Variants in TSPAN15 observed in about 807,000 individuals in gnomAD.
TSPAN15 encodes the protein tetraspanin-15.
In TSPAN15, 20 loss-of-function variants were observed where a neutral mutation model predicts 34.5. The observed-to-expected ratio is 0.58, with a 90% CI of 0.41 to 0.84. The LOEUF is 0.84. Among genes scored for constraint, TSPAN15 ranks in the 40% least tolerant of loss-of-function variants. The probability of loss-of-function intolerance (pLI) is 0.00; values close to 1 mark genes in which losing one functional copy is unlikely to be tolerated. For missense variants in TSPAN15, 313 were observed against 386.1 expected (o/e 0.81, Z 1.59); for synonymous variants, 155 against 153.9 (o/e 1.01, Z -0.05).
chr10:69,479,606 G>A (rs180927314), intron 1 of TSPAN15, among the ~76,000 whole-genome samples: 7 of 152,352 alleles, frequency 4.6e-5, no homozygotes, highest in African/African-American at 9.6e-5. Context: ...CTGAGTGGCC[G>A]GCTGCCTAGT....
At chr10:69,483,912 C>T (rs763501528) in intron 2 of TSPAN15, 36 bp downstream of exon 2, 4 of 1,593,722 alleles carry the variant, frequency 2.5e-6, no homozygotes, top group African/African-American at 1.3e-5. Flanking sequence ...CCGGGACTCC[C>T]CAGGAGAGCT....
downstream of TSPAN15, among the ~76,000 whole-genome samples, chr10:69,511,750 C>T (rs1416267755): frequency 6.6e-6 from 1 of 152,156 alleles, no homozygotes; most frequent in Non-Finnish European, 1.5e-5. Flanking sequence ...TTTGCTGTGT[C>T]CCAGAGACCC....
chr10:69,459,224 G>A (rs1345215341), intron 1 of TSPAN15, among the ~76,000 whole-genome samples: 5 of 151,930 alleles, frequency 3.3e-5, no homozygotes, highest in African/African-American at 9.7e-5. Context: ...TTAACCAGCC[G>A]TGCTCTCTGG....
intron 3 of TSPAN15, chr10:69,494,588 A>G: frequency 1.0e-6 from 1 of 964,562 alleles, no homozygotes; most frequent in Non-Finnish European, 1.2e-6. Flanking sequence ...GCTCGAAGTT[A>G]CCTTAAAGAT....
chr10:69,543,844 A>AGTGTGTGTGTGT, the TSPAN15 span, among the ~76,000 whole-genome samples: 362 of 73,798 alleles, frequency 4.9e-3, 14 homozygotes, highest in East Asian at 0.011. Context: ...GAAGAAGGGG[A>AGTGTGTGTGTGT]GTGTGTGTGT....
the TSPAN15 span, among the ~76,000 whole-genome samples, chr10:69,523,005 A>G: frequency 6.8e-6 from 1 of 147,942 alleles, no homozygotes; most frequent in African/African-American, 2.5e-5. Context: ...ATCCAATGTC[A>G]GGAAGATTTT....
At chr10:69,528,211 T>C in the TSPAN15 span, among the ~76,000 whole-genome samples, 1 of 148,274 alleles carries the variant, frequency 6.7e-6, no homozygotes, top group Non-Finnish European at 1.5e-5. Context: ...CATGTTTCTG[T>C]GACGCTGTGG....
the TSPAN15 span, among the ~76,000 whole-genome samples, chr10:69,515,968 A>T: frequency 6.9e-4 from 105 of 152,342 alleles, no homozygotes; most frequent in Non-Finnish European, 1.1e-3. Context: ...GGAGCCTAAA[A>T]TACTATAGGT....
chr10:69,480,345 T>C (rs565751714), intron 1 of TSPAN15, among the ~76,000 whole-genome samples: 20 of 152,114 alleles, frequency 1.3e-4, no homozygotes, highest in African/African-American at 4.8e-4. Context: ...GCATTTTTTT[T>C]TTACAACAGG....
chr10:69,485,155 T>C lies in TSPAN15; in HGVS notation c.297T>C (p.Leu99=), dbSNP rs1373771135. The change falls in exon 3 of 8, where the codon CTT becomes CTC. Residue 99 remains leucine (L), a synonymous_variant. Coordinates refer to ENST00000373290, the MANE Select transcript of TSPAN15 (RefSeq NM_012339.5). ...CTGTTTTCCAGTTCATGTACATCCT[T>C]GGGATCTGCCTCATCATGGAGCTCA... ...LYLLQAFMYI[L]GICLIMELIG... is the part of the protein sequence containing the mutation. 3.1e-6 allele frequency: 5 copies of C among 1,614,046 alleles called. No individual in the cohort carries two copies. Among genetic ancestry groups the C allele is most frequent in the Non-Finnish European group, 3.4e-6 (4 of 1,180,026 alleles).
At chr10:69,455,609 T>TTTCTTTCTTTCTTTCTTTCTTTCTCC (rs1841081485) in intron 1 of TSPAN15, among the ~76,000 whole-genome samples, 2 of 101,344 alleles carry the variant, frequency 2.0e-5, no homozygotes, top group African/African-American at 8.2e-5. Flanking sequence ...TCTTTCTTTC[T>TTTCTTTCTTTCTTTCTTTCTTTCTCC]CTCTCTCTCT....
chr10:69,527,524 G>A, the TSPAN15 span, among the ~76,000 whole-genome samples: 1 of 146,820 alleles, frequency 6.8e-6, no homozygotes, highest in Non-Finnish European at 1.5e-5. Flanking sequence ...GAACCCAGGA[G>A]GCAGAGATTG....
intron 1 of TSPAN15, among the ~76,000 whole-genome samples, chr10:69,465,113 A>T (rs1427650906): frequency 6.6e-6 from 1 of 152,230 alleles, no homozygotes; most frequent in Non-Finnish European, 1.5e-5. Context: ...ATGCTCTGAC[A>T]GCTGCAGACA....
intron 3 of TSPAN15, among the ~76,000 whole-genome samples, chr10:69,489,769 G>A (rs1356024334): frequency 6.6e-6 from 1 of 152,246 alleles, no homozygotes; most frequent in Admixed American, 6.5e-5. Flanking sequence ...CACTCATAGA[G>A]GGGCAAGTGG....
At position 69,451,619 on chromosome 10, in the gene TSPAN15, G is replaced by T; in HGVS notation, c.25G>T (p.Val9Leu). 1.3e-6 allele frequency: 2 copies of T among 1,527,856 alleles called. No homozygotes were observed. The highest frequency in any genetic ancestry group is 1.8e-6 in the Non-Finnish European group (2 of 1,135,184). The allele number at this position is 1,527,856 out of a possible 1,614,324, so 94.6% of individuals were successfully genotyped here. The change falls in exon 1 of 8, where the codon GTG becomes TTG. Residue 9 changes from valine (V) to leucine (L), a missense_variant. By Grantham distance (32) the Val-to-Leu change is conservative (BLOSUM62 1). Coordinates refer to ENST00000373290, the MANE Select transcript of TSPAN15 (RefSeq NM_012339.5). Reference protein sequence around the residue: MPRGDSEQVRYCARFSYLW... With the variant: MPRGDSEQLRYCARFSYLW... The stretch of plus-strand genomic sequence containing the variant: ...GATGCCGCGCGGGGACTCGGAGCAG[G>T]TGCGCTACTGCGCGCGCTTCTCCTA...
In TSPAN15 at chr10:69,507,652, T is replaced by TG. The variant is rs1842363331; in HGVS notation, c.*674_*675insG. On this transcript the variant is annotated 3_prime_UTR_variant, in exon 8 of 8. Coordinates refer to ENST00000373290, the MANE Select transcript of TSPAN15 (RefSeq NM_012339.5). ...TTGTTAATCAAACAATAAAAACATG[T>TG]TTTTTTTTTTTTTTTTTTTTTGCCT... The TG allele has an allele frequency of 6.0e-6, 1 of 166,484 alleles. No homozygotes were observed. Among genetic ancestry groups the TG allele is most frequent in the Non-Finnish European group, 7.4e-6 (1 of 134,554 alleles). The allele number at this position is 166,484 out of a possible 1,614,324, so 10.3% of individuals were successfully genotyped here. A position where few individuals can be genotyped will look rare whatever the true frequency, so the allele number is the denominator to read the frequency against.
chr10:69,509,384 G>T (rs146505704), downstream of TSPAN15, among the ~76,000 whole-genome samples: 1 of 151,842 alleles, frequency 6.6e-6, no homozygotes, highest in Non-Finnish European at 1.5e-5. Flanking sequence ...TATTTTTTTT[G>T]AGAAGTGTGT....
chr10:69,487,764 G>A (rs975830668), intron 3 of TSPAN15, among the ~76,000 whole-genome samples: 34 of 152,196 alleles, frequency 2.2e-4, no homozygotes, highest in African/African-American at 6.5e-4. Flanking sequence ...TTTGGCTGGC[G>A]GAACATCCAG....
At chr10:69,508,687 C>T (rs1376639167), downstream of TSPAN15, among the ~76,000 whole-genome samples, 1 of 152,096 alleles carries the variant, frequency 6.6e-6, no homozygotes, top group Non-Finnish European at 1.5e-5. Context: ...ATATTAACTC[C>T]TTTAATCCTC....
Sources: allele counts gnomAD v4.1 joint callset (sites outside exome capture counted in the v4.1 genomes callset), GRCh38; gene constraint gnomAD v4.1.1; transcripts MANE v1.5; gene names NCBI Gene and HGNC (gene_info 2026-07-23, HGNC 2026-07-21).